The following TNIP3 variants were observed in gnomAD, a reference collection of about 807,000 sequenced individuals.
TNIP3 encodes TNFAIP3 interacting protein 3, also known as TNFAIP3-interacting protein 3.
TNIP3 carries 34 observed loss-of-function variants against 54.1 expected under a neutral mutation model. That is an observed-to-expected ratio of 0.63 (90% CI 0.48 to 0.84). The LOEUF (loss-of-function observed/expected upper bound fraction) is 0.84. Among genes scored for constraint, TNIP3 ranks in the 40% least tolerant of loss-of-function variants. The probability of loss-of-function intolerance (pLI) is 0.00; values close to 1 mark genes in which losing one functional copy is unlikely to be tolerated. For missense variants in TNIP3, 366 were observed against 387.6 expected (o/e 0.94, Z 0.47); for synonymous variants, 134 against 136.8 (o/e 0.98, Z 0.14).
chr4:121,181,617 TAAGAC>T (rs1441554614), intron 3 of TNIP3, among the ~76,000 whole-genome samples: 1 of 115,074 alleles, frequency 8.7e-6, no homozygotes, highest in African/African-American at 3.6e-5. Context: ...GGTAAGTTAA[TAAGAC>T]AGGTGTGTGT....
upstream of TNIP3, among the ~76,000 whole-genome samples, chr4:121,220,956 G>A (rs1458480401): frequency 6.6e-6 from 1 of 152,150 alleles, no homozygotes; most frequent in Non-Finnish European, 1.5e-5. Context: ...AGGGGCTGTG[G>A]TGAGTAAGTG....
chr4:121,145,251 T>C lies in TNIP3; in HGVS notation c.735+1798A>G, dbSNP rs184437681. Among the ~76,000 whole-genome samples the C allele has an allele frequency of 3.4e-3, 513 of 152,336 alleles. 2 individuals are homozygous for C. Among genetic ancestry groups the C allele is most frequent in the Non-Finnish European group, 4.9e-3 (332 of 68,014 alleles). On this transcript the variant is annotated intron_variant, in intron 7 of 10. Coordinates refer to ENST00000057513, the MANE Select transcript of TNIP3 (RefSeq NM_024873.6). Reference sequence around the variant, plus strand: ...TAACACAGATCATCAAACCATCTATTACATCTCTGTGAATTCTATCATTCT... The same window carrying C: ...TAACACAGATCATCAAACCATCTATCACATCTCTGTGAATTCTATCATTCT...
At chr4:121,200,417 C>T (rs1022904586) in intron 2 of TNIP3, among the ~76,000 whole-genome samples, 1 of 152,142 alleles carries the variant, frequency 6.6e-6, no homozygotes, top group Non-Finnish European at 1.5e-5. Context: ...CTAGTTAGAA[C>T]TTGTCAGGCT....
chr4:121,170,414 G>A (rs1421184095), intron 3 of TNIP3, among the ~76,000 whole-genome samples: 1 of 152,174 alleles, frequency 6.6e-6, no homozygotes, highest in Admixed American at 6.5e-5. Context: ...CAAAGTTATA[G>A]GCTTTGCCTC....
intron 5 of TNIP3, among the ~76,000 whole-genome samples, chr4:121,150,436 T>C (rs2148805584): frequency 6.6e-6 from 1 of 152,326 alleles, no homozygotes; most frequent in South Asian, 2.1e-4. Flanking sequence ...CTTATGTTAG[T>C]CAATCCTCAT....
chr4:121,157,835 T>C (rs1432338463), intron 3 of TNIP3, among the ~76,000 whole-genome samples: 1 of 152,142 alleles, frequency 6.6e-6, no homozygotes, highest in Non-Finnish European at 1.5e-5. Context: ...CTGCAAGCCG[T>C]TCGAGAAAGC....
At chr4:121,138,567 A>G (rs1728923731) in intron 10 of TNIP3, 57 bp downstream of exon 10, 6 of 1,513,248 alleles carry the variant, frequency 4.0e-6, no homozygotes, top group Non-Finnish European at 4.6e-6. Flanking sequence ...AAACATCCCC[A>G]AAAGATCCCA....
chr4:121,196,915 TCA>T (rs1725619833), intron 2 of TNIP3, among the ~76,000 whole-genome samples: 1 of 152,040 alleles, frequency 6.6e-6, no homozygotes, highest in African/African-American at 2.4e-5. Flanking sequence ...GTTTTATCAG[TCA>T]TTAAAAAAAT....
exon 3 of TNIP3, chr4:121,182,734 T>G (rs1560676360): frequency 6.5e-7 from 1 of 1,534,166 alleles, no homozygotes; most frequent in Non-Finnish European, 8.7e-7. Flanking sequence ...CCGTTTTGGA[T>G]GAGGAGACGC....
chr4:121,159,921 AACT>A (rs1446969062), intron 2 of TNIP3, among the ~76,000 whole-genome samples: 1 of 152,234 alleles, frequency 6.6e-6, no homozygotes, highest in Non-Finnish European at 1.5e-5. Context: ...TTAAAAAGCA[AACT>A]ACTGAATCCA....
chr4:121,137,132 T>C (rs932778413), intron 10 of TNIP3, among the ~76,000 whole-genome samples: 1 of 152,222 alleles, frequency 6.6e-6, no homozygotes, highest in Admixed American at 6.5e-5. Flanking sequence ...CTAATAATGA[T>C]ATATAAATGA....
chr4:121,218,916 G>A (rs532847709), upstream of TNIP3, among the ~76,000 whole-genome samples: 3 of 152,214 alleles, frequency 2.0e-5, no homozygotes, highest in African/African-American at 7.2e-5. Context: ...AACCACAGAA[G>A]TGGCCAGCCA....
chr4:121,153,633 C>A (rs1216683363), intron 5 of TNIP3, among the ~76,000 whole-genome samples: 1 of 152,192 alleles, frequency 6.6e-6, no homozygotes, highest in Non-Finnish European at 1.5e-5. Flanking sequence ...ACACACAGAT[C>A]TACTACAGGA....
chr4:121,185,163 G>A (rs187582099), intron 2 of TNIP3, among the ~76,000 whole-genome samples: 3 of 152,258 alleles, frequency 2.0e-5, no homozygotes, highest in Non-Finnish European at 2.9e-5. Flanking sequence ...AAATGATCTC[G>A]TTTCCTTGCT....
At chr4:121,170,259 C>A (rs1268569726) in intron 3 of TNIP3, among the ~76,000 whole-genome samples, 5 of 152,214 alleles carry the variant, frequency 3.3e-5, no homozygotes, top group African/African-American at 7.2e-5. Context: ...GCCTTAGGAA[C>A]TACCACAGTA....
At chr4:121,161,027 T>C (rs1374745895) in intron 2 of TNIP3, 109 bp downstream of exon 2, 1 of 870,620 alleles carries the variant, frequency 1.1e-6, no homozygotes, top group African/African-American at 1.7e-5. Context: ...ATCTTAAAGA[T>C]AAATACTGTG....
chr4:121,179,373 T>C (rs1424125441), intron 3 of TNIP3, among the ~76,000 whole-genome samples: 4 of 152,232 alleles, frequency 2.6e-5, no homozygotes, highest in Admixed American at 2.6e-4. Context: ...TAAGTGTTGT[T>C]GTAGGTAGAA....
At chr4:121,150,979 T>A (rs1729715280) in intron 5 of TNIP3, among the ~76,000 whole-genome samples, 1 of 152,240 alleles carries the variant, frequency 6.6e-6, no homozygotes, top group Admixed American at 6.5e-5. Flanking sequence ...GTAATACCTG[T>A]ATTCACCAGA....
chr4:121,183,297 T>A (rs1007306514), intron 2 of TNIP3, among the ~76,000 whole-genome samples: 1 of 152,220 alleles, frequency 6.6e-6, no homozygotes, highest in African/African-American at 2.4e-5. Flanking sequence ...TGTCTTCAAT[T>A]AACCTGAAAA....
Sources: gnomAD v4.1 joint callset for allele counts (sites outside exome capture counted in the v4.1 genomes callset) on GRCh38, gnomAD v4.1.1 for gene constraint, MANE v1.5 for transcripts, NCBI Gene and HGNC (gene_info 2026-07-23, HGNC 2026-07-21) for gene names.